Variants in CLYBL observed in about 807,000 individuals in gnomAD.
CLYBL encodes the protein citramalyl-CoA lyase, also known as citramalyl-CoA lyase, mitochondrial.
Under a neutral mutation model 38.9 loss-of-function variants are expected in CLYBL, and 31 were observed. The ratio of observed to expected loss-of-function variants is 0.80; its 90% CI spans 0.60 to 1.08. The LOEUF (loss-of-function observed/expected upper bound fraction) is 1.08, where lower values mean the gene tolerates loss of function less well. Ranked by LOEUF, CLYBL falls within the 50% of genes least tolerant of loss-of-function variation. The probability of loss-of-function intolerance (pLI) is 0.00; values close to 1 mark genes in which losing one functional copy is unlikely to be tolerated. For synonymous variants in CLYBL, 171 were observed against 158.6 expected, an observed-to-expected ratio of 1.08 and a Z score of -0.59; for missense variants, 434 against 411.6, an observed-to-expected ratio of 1.05 and a Z score of -0.47.
intron 1 of CLYBL, among the ~76,000 whole-genome samples, chr13:99,751,374 C>T (rs1037753406): frequency 6.6e-6 from 1 of 152,088 alleles, no homozygotes; most frequent in Admixed American, 6.5e-5. Context: ...GTGTCTGCCA[C>T]CATACCTGGC....
intron 2 of CLYBL, among the ~76,000 whole-genome samples, chr13:99,787,037 C>T (rs1293897194): frequency 3.3e-5 from 5 of 151,886 alleles, no homozygotes; most frequent in Admixed American, 1.3e-4. Context: ...ATCCTTCACC[C>T]ACTTGTTGAT....
intron 2 of CLYBL, among the ~76,000 whole-genome samples, chr13:99,792,122 A>T (rs900030563): frequency 1.3e-5 from 2 of 152,164 alleles, no homozygotes; most frequent in Non-Finnish European, 2.9e-5. Context: ...ATTTTATTGA[A>T]CTGCTAAACA....
At chr13:99,783,416 T>G (rs1387407400) in intron 2 of CLYBL, among the ~76,000 whole-genome samples, 1 of 151,924 alleles carries the variant, frequency 6.6e-6, no homozygotes, top group Non-Finnish European at 1.5e-5. Context: ...TCTACATATC[T>G]GCTTGGTATA....
At chr13:99,724,372 G>T (rs1019650942) in intron 1 of CLYBL, among the ~76,000 whole-genome samples, 1 of 151,974 alleles carries the variant, frequency 6.6e-6, no homozygotes, top group Non-Finnish European at 1.5e-5. Context: ...ATATAATCTT[G>T]CATATTAAAC....
chr13:99,834,253 C>T (rs1479203044), intron 2 of CLYBL, among the ~76,000 whole-genome samples: 1 of 152,126 alleles, frequency 6.6e-6, no homozygotes, highest in Admixed American at 6.5e-5. Context: ...GGTGCCAAGC[C>T]AGTGTCAAGC....
At chr13:99,663,694 CAA>C (rs1490901401) in intron 1 of CLYBL, among the ~76,000 whole-genome samples, 1 of 152,174 alleles carries the variant, frequency 6.6e-6, no homozygotes, top group Non-Finnish European at 1.5e-5. Context: ...GGATTAGCAA[CAA>C]AGAGAGCTTG....
intron 1 of CLYBL, among the ~76,000 whole-genome samples, chr13:99,682,994 T>C (rs1295012993): frequency 6.6e-6 from 1 of 151,602 alleles, no homozygotes; most frequent in African/African-American, 2.4e-5. Flanking sequence ...CACCTCGCCC[T>C]CCCAAAGTGC....
In CLYBL at chr13:99,866,325, C is replaced by T. The variant is rs775771975; in HGVS notation, c.720C>T (p.Ala240=). Residue 240 remains alanine (A), a synonymous_variant, in exon 6 of 9, where the codon GCC becomes GCT. Transcript: ENST00000339105. Reference sequence around the variant, plus strand: ...TAGCGAAAGCCTTTGGTCTCCAAGCCATAGATCTGGTGTACATTGACTTTC... The same window carrying T: ...TAGCGAAAGCCTTTGGTCTCCAAGCTATAGATCTGGTGTACATTGACTTTC... ...VVIAKAFGLQ[A]IDLVYIDFRD... is the part of the protein sequence containing the mutation. 5.0e-6 allele frequency: 8 copies of T among 1,614,088 alleles called. No individual in the cohort carries two copies. Among genetic ancestry groups the T allele is most frequent in the Admixed American group, 1.7e-5 (1 of 60,024 alleles).
intron 1 of CLYBL, among the ~76,000 whole-genome samples, chr13:99,681,833 G>T (rs1271944791): frequency 6.6e-6 from 1 of 152,014 alleles, no homozygotes; most frequent in Non-Finnish European, 1.5e-5. Context: ...TGATCCACCT[G>T]TCTCGGCCCC....
intron 4 of CLYBL, 108 bp from the exon 5 acceptor site, chr13:99,864,710 G>T: frequency 1.3e-6 from 1 of 747,564 alleles, no homozygotes; most frequent in East Asian, 2.5e-5. Flanking sequence ...ACTGCTTTCA[G>T]CCAAACTGTG....
At chr13:99,628,224 A>G (rs1300407334) in intron 1 of CLYBL, among the ~76,000 whole-genome samples, 1 of 152,220 alleles carries the variant, frequency 6.6e-6, no homozygotes, top group Non-Finnish European at 1.5e-5. Context: ...ACTGATACCC[A>G]TTAAATATAT....
intron 1 of CLYBL, among the ~76,000 whole-genome samples, chr13:99,765,849 CTTT>C (rs143574260): frequency 2.4e-5 from 3 of 126,150 alleles, no homozygotes; most frequent in African/African-American, 5.9e-5. Context: ...CAAGTCGAGT[CTTT>C]TTTTTTTTTT....
At chr13:99,614,369 A>G (rs554253432) in intron 1 of CLYBL, among the ~76,000 whole-genome samples, 3 of 152,172 alleles carry the variant, frequency 2.0e-5, no homozygotes, top group Non-Finnish European at 4.4e-5. Context: ...GGAAGCGGCA[A>G]TACCAGGAAG....
At position 99,606,754 on chromosome 13, in the gene CLYBL, G is replaced by A; in HGVS notation, c.59G>A (p.Arg20Lys). ...ARGAAAAALL[R>K]LKASLAADIP... is the part of the protein sequence containing the mutation. ...GGAGCTGCGGCGGCGGCGCTGCTGA[G>A]GCTGTGAGTGCAGGTCCCCGTTCCC... is the stretch of plus-strand genomic sequence containing the variant. Residue 20 changes from arginine to lysine, a missense_variant, in exon 1 of 9, where the codon AGG (arginine) becomes AAG (lysine). Physicochemically the swap from Arg to Lys is conservative, Grantham distance 26 (BLOSUM62 2). Transcript: ENST00000339105. 5 of 1,478,200 alleles carry A rather than the reference G, an allele frequency of 3.4e-6. No individual in the cohort carries two copies. In the East Asian group the frequency reaches 1.2e-4, roughly 35 times the overall value. The allele number at this position is 1,478,200 out of a possible 1,614,324, so 91.6% of individuals were successfully genotyped here. A position where few individuals can be genotyped will look rare whatever the true frequency, so the allele number is the denominator to read the frequency against.
At chr13:99,718,604 A>C (rs1416668622) in intron 1 of CLYBL, among the ~76,000 whole-genome samples, 1 of 152,114 alleles carries the variant, frequency 6.6e-6, no homozygotes, top group Non-Finnish European at 1.5e-5. Flanking sequence ...AGTCTTACTA[A>C]ATTTATGTCC....
At chr13:99,680,312 G>C (rs565954690) in intron 1 of CLYBL, among the ~76,000 whole-genome samples, 3 of 152,068 alleles carry the variant, frequency 2.0e-5, no homozygotes, top group Admixed American at 6.6e-5. Flanking sequence ...CCATAAAAAC[G>C]TACTCCAATT....
chr13:99,717,083 G>A (rs969669757), intron 1 of CLYBL, among the ~76,000 whole-genome samples: 5 of 151,132 alleles, frequency 3.3e-5, no homozygotes, highest in African/African-American at 7.3e-5. Context: ...GAGCCACCAC[G>A]CCCAGCCCCC....
chr13:99,625,914 C>T (rs891926125), intron 1 of CLYBL, among the ~76,000 whole-genome samples: 8 of 152,140 alleles, frequency 5.3e-5, no homozygotes, highest in African/African-American at 1.9e-4. Context: ...GGTGCTTTGG[C>T]GCATCTCACG....
At chr13:99,904,651 G>C (rs979116905) in intron 8 of CLYBL, among the ~76,000 whole-genome samples, 1 of 145,644 alleles carries the variant, frequency 6.9e-6, no homozygotes, top group Non-Finnish European at 1.5e-5. Context: ...TGGCAGCGTC[G>C]TGCTTCAAAC....
Sources: gnomAD v4.1 joint callset for allele counts (sites outside exome capture counted in the v4.1 genomes callset) on GRCh38, gnomAD v4.1.1 for gene constraint, MANE v1.5 for transcripts, NCBI Gene and HGNC (gene_info 2026-07-23, HGNC 2026-07-21) for gene names.